Variants in GNAL observed in about 807,000 individuals in gnomAD.
GNAL encodes G protein subunit alpha L.
GNAL carries 18 observed loss-of-function variants against 55.1 expected under a neutral mutation model. The observed-to-expected ratio is 0.33, with a 90% CI of 0.23 to 0.48. The LOEUF (loss-of-function observed/expected upper bound fraction) is 0.48. GNAL is among the 20% of genes least tolerant of loss of function. The pLI is 0.99. For synonymous variants in GNAL, 253 were observed against 237.0 expected (o/e 1.07, Z -0.62); for missense variants, 412 against 614.1 (o/e 0.67, Z 3.48).
chr18:11,770,094 CATT>C (rs1042117948), intron 4 of GNAL, among the ~76,000 whole-genome samples: 10 of 152,006 alleles, frequency 6.6e-5, no homozygotes, highest in East Asian at 3.8e-4. Flanking sequence ...AATTATAAAG[CATT>C]ATTAAATATT....
intron 4 of GNAL, among the ~76,000 whole-genome samples, chr18:11,789,657 C>T (rs949073852): frequency 6.6e-6 from 1 of 152,160 alleles, no homozygotes; most frequent in Non-Finnish European, 1.5e-5. Flanking sequence ...AATAAAGTAC[C>T]ATGTCTTCTT....
intron 4 of GNAL, among the ~76,000 whole-genome samples, chr18:11,776,049 T>C (rs1226781117): frequency 6.6e-6 from 1 of 152,216 alleles, no homozygotes; most frequent in African/African-American, 2.4e-5. Flanking sequence ...CGCCCCTCCA[T>C]TGTCATCCAT....
At chr18:11,846,470 C>T (rs987584229) in intron 5 of GNAL, among the ~76,000 whole-genome samples, 273 of 147,572 alleles carry the variant, frequency 1.8e-3, no homozygotes, top group Non-Finnish European at 3.1e-3. Context: ...AATATACACA[C>T]ACACACACAC....
chr18:11,704,142 G>A (rs2031648324), intron 1 of GNAL, among the ~76,000 whole-genome samples: 1 of 152,176 alleles, frequency 6.6e-6, no homozygotes, highest in African/African-American at 2.4e-5. Flanking sequence ...CTTCCGTGGA[G>A]CCTGAACATC....
At chr18:11,870,178 A>G (rs910923812) in intron 9 of GNAL, among the ~76,000 whole-genome samples, 10 of 152,192 alleles carry the variant, frequency 6.6e-5, no homozygotes, top group African/African-American at 2.4e-4. Context: ...GGATGACTCT[A>G]TATCTAGGGT....
chr18:11,721,193 A>G (rs1165793722), intron 1 of GNAL, among the ~76,000 whole-genome samples: 3 of 152,256 alleles, frequency 2.0e-5, no homozygotes, highest in African/African-American at 7.2e-5. Context: ...GAAACTGACG[A>G]TGTTCACAGA....
chr18:11,846,406 T>TATATATAAATATATAAATACATATATAA (rs2035736463), intron 5 of GNAL, among the ~76,000 whole-genome samples: 1 of 147,458 alleles, frequency 6.8e-6, no homozygotes, highest in Admixed American at 6.8e-5. Flanking sequence ...ATCATTTTTT[T>TATATATAAATATATAAATACATATATAA]ATATATAAAT....
At chr18:11,829,290 G>C (rs571690947) in intron 5 of GNAL, among the ~76,000 whole-genome samples, 1 of 152,196 alleles carries the variant, frequency 6.6e-6, no homozygotes, top group Admixed American at 6.5e-5. Context: ...CTCCCGTTTA[G>C]CTCGTTTCAC....
At chr18:11,753,563 C>T (rs1285050146) in intron 2 of GNAL, 65 bp from the exon 3 acceptor site, 2 of 1,025,412 alleles carry the variant, frequency 2.0e-6, no homozygotes, top group Middle Eastern at 2.5e-4. Context: ...TTTAAAATCC[C>T]ACTCAATTGA....
chr18:11,807,146 G>A (rs1049027290), intron 4 of GNAL, among the ~76,000 whole-genome samples: 1 of 151,406 alleles, frequency 6.6e-6, no homozygotes, highest in African/African-American at 2.4e-5. Flanking sequence ...GTGATAGAGC[G>A]AGACTCTGTC....
chr18:11,724,240 G>C (rs756801668), intron 1 of GNAL, among the ~76,000 whole-genome samples: 1 of 152,120 alleles, frequency 6.6e-6, no homozygotes, highest in African/African-American at 2.4e-5. Flanking sequence ...TCAGCCTCTG[G>C]GGGGGACCTC....
intron 5 of GNAL, among the ~76,000 whole-genome samples, chr18:11,845,649 A>C (rs1328098616): frequency 6.6e-6 from 1 of 152,036 alleles, no homozygotes; most frequent in Non-Finnish European, 1.5e-5. Flanking sequence ...GGAGTCAGAG[A>C]GAAATGGGCC....
chr18:11,851,484 G>C, intron 5 of GNAL: 1 of 1,509,418 alleles, frequency 6.6e-7, no homozygotes, highest in Non-Finnish European at 8.8e-7. Context: ...TCTCAGCCGG[G>C]CCGCCGACCC....
At chr18:11,724,089 G>A (rs1047400064) in intron 1 of GNAL, among the ~76,000 whole-genome samples, 1 of 152,098 alleles carries the variant, frequency 6.6e-6, no homozygotes. Context: ...TATCTTACCC[G>A]TCCTTAGGTT....
chr18:11,770,108 CATA>C (rs1363066059), intron 4 of GNAL, among the ~76,000 whole-genome samples: 2 of 151,972 alleles, frequency 1.3e-5, no homozygotes, highest in African/African-American at 2.4e-5. Flanking sequence ...ATTAAATATT[CATA>C]ATAATTTTTA....
intron 4 of GNAL, among the ~76,000 whole-genome samples, chr18:11,795,117 A>G (rs957356489): frequency 7.9e-5 from 12 of 152,238 alleles, no homozygotes; most frequent in Middle Eastern, 3.4e-3. Context: ...TGCTGGGATT[A>G]CAGGTGTGAG....
chr18:11,709,040 A>G (rs995291149), intron 1 of GNAL, among the ~76,000 whole-genome samples: 4 of 152,144 alleles, frequency 2.6e-5, no homozygotes, highest in East Asian at 1.9e-4. Flanking sequence ...AATTTTCCCA[A>G]CACCATTTGT....
intron 4 of GNAL, among the ~76,000 whole-genome samples, chr18:11,773,199 G>A (rs770285188): frequency 3.9e-5 from 6 of 152,234 alleles, no homozygotes; most frequent in African/African-American, 9.6e-5. Context: ...GGGCTTGCAC[G>A]TCTCATGTCC....
chr18:11,746,262 T>C, intron 1 of GNAL: 1 of 421,346 alleles, frequency 2.4e-6, no homozygotes. Context: ...TTCTCAGGTT[T>C]AGAGACAGAA....
Sources: gnomAD v4.1 joint callset for allele counts (sites outside exome capture counted in the v4.1 genomes callset) on GRCh38, gnomAD v4.1.1 for gene constraint, MANE v1.5 for transcripts, NCBI Gene and HGNC (gene_info 2026-07-23, HGNC 2026-07-21) for gene names.